The following PICALM variants were observed in gnomAD, a reference collection of about 807,000 sequenced individuals.
PICALM encodes the protein phosphatidylinositol binding clathrin assembly protein, also known as phosphatidylinositol-binding clathrin assembly protein.
In PICALM, 40 loss-of-function variants were observed where a neutral mutation model predicts 80.5. The observed-to-expected ratio is 0.50, with a 90% CI of 0.39 to 0.65. The LOEUF (loss-of-function observed/expected upper bound fraction) is 0.65, where lower values mean the gene tolerates loss of function less well. Ranked by LOEUF, PICALM falls within the 30% of genes least tolerant of loss-of-function variation. The probability of loss-of-function intolerance (pLI) is 0.00; values close to 1 mark genes in which losing one functional copy is unlikely to be tolerated. For synonymous variants in PICALM, 288 were observed against 260.3 expected (o/e 1.11, Z -1.02); for missense variants, 676 against 778.9 (o/e 0.87, Z 1.57).
intron 13 of PICALM, among the ~76,000 whole-genome samples, chr11:85,987,956 A>G (rs2094629674): frequency 6.6e-6 from 1 of 152,274 alleles, no homozygotes; most frequent in Non-Finnish European, 1.5e-5. Context: ...ACTAAAATTC[A>G]AACCTAAGTT....
intron 1 of PICALM, among the ~76,000 whole-genome samples, chr11:86,058,995 G>A (rs1310210102): frequency 6.6e-6 from 1 of 152,118 alleles, no homozygotes; most frequent in Non-Finnish European, 1.5e-5. Flanking sequence ...CAATGTTTTG[G>A]AAGACACTAC....
intron 2 of PICALM, among the ~76,000 whole-genome samples, 184 bp downstream of exon 2, chr11:86,031,285 T>TA (rs2095747484): frequency 1.3e-5 from 2 of 152,264 alleles, no homozygotes; most frequent in Non-Finnish European, 2.9e-5. Context: ...CTCTGTGCTC[T>TA]AACCCACTTT....
chr11:86,025,369 C>T (rs2095633464), intron 3 of PICALM, among the ~76,000 whole-genome samples: 1 of 151,906 alleles, frequency 6.6e-6, no homozygotes, highest in African/African-American at 2.4e-5. Context: ...CACTGCACTC[C>T]AGCCTGGTGA....
intron 1 of PICALM, among the ~76,000 whole-genome samples, chr11:86,054,540 T>C (rs2096241555): frequency 6.6e-6 from 1 of 152,074 alleles, no homozygotes; most frequent in South Asian, 2.1e-4. Context: ...ATAAAGCGCT[T>C]TTTTGCCCCA....
chr11:86,035,853 C>A (rs1411460549), intron 1 of PICALM, among the ~76,000 whole-genome samples: 1 of 148,378 alleles, frequency 6.7e-6, no homozygotes, highest in African/African-American at 2.5e-5. Context: ...GAGGCTGAGG[C>A]AGCAGAATTG....
intron 13 of PICALM, among the ~76,000 whole-genome samples, chr11:85,985,596 A>C (rs1402873338): frequency 6.6e-6 from 1 of 152,190 alleles, no homozygotes; most frequent in African/African-American, 2.4e-5. Flanking sequence ...TCCTAGACTT[A>C]CCAATTTAAT....
intron 4 of PICALM, among the ~76,000 whole-genome samples, chr11:86,018,969 A>G (rs11234514): frequency 0.037 from 5,692 of 152,228 alleles, 167 homozygotes; most frequent in Middle Eastern, 0.11. Context: ...GGGGAAGAAA[A>G]GCAGCCTTCA....
chr11:86,016,111 T>C (rs531685794), intron 4 of PICALM, among the ~76,000 whole-genome samples: 2 of 152,338 alleles, frequency 1.3e-5, no homozygotes, highest in South Asian at 2.1e-4. Flanking sequence ...ATTCCTTCTT[T>C]TGCAACTCTT....
chr11:85,996,315 G>A (rs1193304029), intron 12 of PICALM, among the ~76,000 whole-genome samples: 1 of 151,828 alleles, frequency 6.6e-6, no homozygotes, highest in Non-Finnish European at 1.5e-5. Context: ...AATCTTTCAG[G>A]TCTTAATTAA....
At chr11:86,038,840 G>A (rs2095892988) in intron 1 of PICALM, among the ~76,000 whole-genome samples, 1 of 151,970 alleles carries the variant, frequency 6.6e-6, no homozygotes, top group African/African-American at 2.4e-5. Flanking sequence ...ACCAGGTGCA[G>A]TGGCTCATGC....
chr11:85,999,346 T>C (rs1281726743), intron 11 of PICALM, among the ~76,000 whole-genome samples: 1 of 152,212 alleles, frequency 6.6e-6, no homozygotes, highest in South Asian at 2.1e-4. Context: ...TTAATTACTA[T>C]TAAAAAGGTG....
intron 1 of PICALM, among the ~76,000 whole-genome samples, chr11:86,067,154 G>T (rs1037937709): frequency 6.6e-6 from 1 of 152,162 alleles, no homozygotes; most frequent in Non-Finnish European, 1.5e-5. Flanking sequence ...ACAGTAACTT[G>T]GAAGAATCTA....
intron 12 of PICALM, among the ~76,000 whole-genome samples, chr11:85,990,934 AT>A (rs2094752377): frequency 6.6e-6 from 1 of 152,240 alleles, no homozygotes; most frequent in African/African-American, 2.4e-5. Flanking sequence ...GGGGGAAAGA[AT>A]TTTAGATAAT....
intron 10 of PICALM, 107 bp downstream of exon 10, chr11:86,000,928 C>G: frequency 6.8e-7 from 1 of 1,479,224 alleles, no homozygotes; most frequent in Non-Finnish European, 9.2e-7. Context: ...TGAGTTTCAG[C>G]CCATTAGGTA....
intron 2 of PICALM, among the ~76,000 whole-genome samples, chr11:86,028,044 AG>A (rs1490181533): frequency 6.6e-6 from 1 of 152,186 alleles, no homozygotes; most frequent in Non-Finnish European, 1.5e-5. Context: ...TTCGTCTACC[AG>A]GCCATTTCAT....
chr11:85,994,324 CAAT>C (rs1377669573), intron 12 of PICALM, among the ~76,000 whole-genome samples: 2 of 152,152 alleles, frequency 1.3e-5, no homozygotes, highest in Non-Finnish European at 2.9e-5. Context: ...ATTAATAATA[CAAT>C]GAGGCCAACA....
At chr11:86,068,248 T>A (rs1307263971) in intron 1 of PICALM, among the ~76,000 whole-genome samples, 1 of 151,590 alleles carries the variant, frequency 6.6e-6, no homozygotes, top group Non-Finnish European at 1.5e-5. Context: ...GAAGAAACAA[T>A]GGGGCTTGGA....
intron 1 of PICALM, among the ~76,000 whole-genome samples, chr11:86,042,845 A>T (rs1379718928): frequency 6.6e-6 from 1 of 152,226 alleles, no homozygotes; most frequent in African/African-American, 2.4e-5. Context: ...AGGGAAAAAG[A>T]AACCAACAAC....
In PICALM at chr11:86,068,987, C is replaced by G. The variant is rs993905881; in HGVS notation, c.-207G>C. 2.3e-5 allele frequency: 14 copies of G among 600,986 alleles called. No homozygotes were observed. Among genetic ancestry groups the G allele is most frequent in the Admixed American group, 1.6e-4 (5 of 30,522 alleles). 37.2% of individuals were successfully genotyped at this position (600,986 alleles called of 1,614,324 possible). A position where few individuals can be genotyped will look rare whatever the true frequency, so the allele number is the denominator to read the frequency against. On this transcript the variant is annotated 5_prime_UTR_variant, in exon 1 of 20. Coordinates refer to ENST00000393346, the MANE Select transcript of PICALM (RefSeq NM_007166.4). ...TCACCCGCGGAGTCGGACAAGATGTCGGGCACTCCCTTGCCCCCGCCTCAG... is the reference window on the plus strand; with the variant it reads ...TCACCCGCGGAGTCGGACAAGATGTGGGGCACTCCCTTGCCCCCGCCTCAG...
Sources: gnomAD v4.1 joint callset for allele counts (sites outside exome capture counted in the v4.1 genomes callset) on GRCh38, gnomAD v4.1.1 for gene constraint, MANE v1.5 for transcripts, NCBI Gene and HGNC (gene_info 2026-07-23, HGNC 2026-07-21) for gene names.